CPED1: variants seen among roughly 807,000 people sequenced by gnomAD.
The protein encoded by CPED1 is cadherin like and PC-esterase domain containing 1.
CPED1 carries 114 observed loss-of-function variants against 128.2 expected under a neutral mutation model. That is an observed-to-expected ratio of 0.89 (90% confidence interval 0.76 to 1.04). CPED1 has a LOEUF of 1.04. CPED1 is among the 50% of genes least tolerant of loss of function. The probability of loss-of-function intolerance (pLI) is 0.00; values close to 1 mark genes in which losing one functional copy is unlikely to be tolerated. For synonymous variants in CPED1, 462 were observed against 426.7 expected (o/e 1.08, Z -1.02); for missense variants, 1,211 against 1,207.1 (o/e 1.00, Z -0.05).
intron 2 of CPED1, among the ~76,000 whole-genome samples, chr7:120,999,727 T>A (rs989076744): frequency 1.5e-4 from 23 of 152,284 alleles, no homozygotes; most frequent in African/African-American, 5.5e-4. Flanking sequence ...GAGCATTTAA[T>A]GTTTGTGAAT....
At chr7:121,163,838 TA>T (rs1464762589) in intron 16 of CPED1, among the ~76,000 whole-genome samples, 1 of 152,112 alleles carries the variant, frequency 6.6e-6, no homozygotes, top group Non-Finnish European at 1.5e-5. Context: ...TCTCCAAAGA[TA>T]AAATAAATAT....
At chr7:121,078,194 A>G (rs1303604313) in intron 5 of CPED1, among the ~76,000 whole-genome samples, 2 of 151,888 alleles carry the variant, frequency 1.3e-5, no homozygotes, top group African/African-American at 4.8e-5. Flanking sequence ...ATAGGTGTGC[A>G]CCACCACACC....
chr7:121,070,821 C>T (rs1793968404), intron 5 of CPED1, among the ~76,000 whole-genome samples: 1 of 152,166 alleles, frequency 6.6e-6, no homozygotes, highest in African/African-American at 2.4e-5. Context: ...GTTATCCAGA[C>T]TCTAGCCAGA....
intron 22 of CPED1, among the ~76,000 whole-genome samples, chr7:121,284,131 A>G (rs548896901): frequency 6.6e-6 from 1 of 152,322 alleles, no homozygotes; most frequent in Admixed American, 6.5e-5. Flanking sequence ...GGAAGGAAAC[A>G]CGTCCTTCTT....
At chr7:121,144,300 A>G (rs190779254) in intron 16 of CPED1, among the ~76,000 whole-genome samples, 31 of 152,254 alleles carry the variant, frequency 2.0e-4, no homozygotes, top group Non-Finnish European at 4.0e-4. Context: ...GTGTCCATCA[A>G]TGGATGAATG....
chr7:121,036,116 G>T (rs1401343544), intron 3 of CPED1, among the ~76,000 whole-genome samples: 1 of 152,060 alleles, frequency 6.6e-6, no homozygotes, highest in Non-Finnish European at 1.5e-5. Context: ...TTGAGGGGCT[G>T]CATGCATTAA....
At chr7:121,057,649 G>A (rs2116019059) in intron 4 of CPED1, among the ~76,000 whole-genome samples, 1 of 152,324 alleles carries the variant, frequency 6.6e-6, no homozygotes, top group Middle Eastern at 3.4e-3. Context: ...CTTGCAGAAT[G>A]TCTCAATAAC....
At chr7:121,080,697 A>C (rs1794264522) in intron 5 of CPED1, among the ~76,000 whole-genome samples, 1 of 130,848 alleles carries the variant, frequency 7.6e-6, no homozygotes, top group South Asian at 2.5e-4. Flanking sequence ...ATGCATTTTA[A>C]AAACCTTCAT....
At chr7:121,112,302 C>A (rs1299944420) in intron 7 of CPED1, among the ~76,000 whole-genome samples, 1 of 152,150 alleles carries the variant, frequency 6.6e-6, no homozygotes, top group East Asian at 1.9e-4. Context: ...AAGATATCAA[C>A]ATGAGATCTT....
At chr7:121,172,025 C>T (rs2116470292) in intron 16 of CPED1, among the ~76,000 whole-genome samples, 1 of 152,248 alleles carries the variant, frequency 6.6e-6, no homozygotes. Context: ...CTTTCAATGA[C>T]AGCTATATAA....
At chr7:121,280,381 CA>C (rs1792437791) in intron 22 of CPED1, among the ~76,000 whole-genome samples, 1 of 152,182 alleles carries the variant, frequency 6.6e-6, no homozygotes, top group Non-Finnish European at 1.5e-5. Context: ...GAGCTCCTTA[CA>C]ATCAGTCTCC....
chr7:121,004,733 C>T (rs1418768925), intron 2 of CPED1, among the ~76,000 whole-genome samples: 2 of 150,486 alleles, frequency 1.3e-5, no homozygotes, highest in Non-Finnish European at 3.0e-5. Context: ...TTGGAAGACC[C>T]TAAGAGTAGA....
intron 17 of CPED1, among the ~76,000 whole-genome samples, chr7:121,239,037 G>A (rs1219252162): frequency 6.6e-6 from 1 of 152,134 alleles, no homozygotes; most frequent in Non-Finnish European, 1.5e-5. Context: ...AACTTAACAA[G>A]TGAGGTCAGG....
chr7:121,273,516 C>T (rs1398494122), intron 22 of CPED1, among the ~76,000 whole-genome samples: 1 of 151,548 alleles, frequency 6.6e-6, no homozygotes, highest in East Asian at 1.9e-4. Flanking sequence ...CAGCAAGACT[C>T]CATCTCAAAG....
intron 16 of CPED1, among the ~76,000 whole-genome samples, chr7:121,160,602 G>A (rs1160687375): frequency 6.6e-6 from 1 of 152,116 alleles, no homozygotes; most frequent in East Asian, 1.9e-4. Flanking sequence ...CTGAGGAATG[G>A]CCTTGTACTG....
intron 5 of CPED1, among the ~76,000 whole-genome samples, chr7:121,093,172 T>C (rs536356282): frequency 6.6e-6 from 1 of 152,290 alleles, no homozygotes; most frequent in Admixed American, 6.5e-5. Context: ...GGAACTGTTT[T>C]TCACAGTAGT....
At chr7:121,183,241 A>G (rs1584576670) in intron 16 of CPED1, among the ~76,000 whole-genome samples, 2 of 152,274 alleles carry the variant, frequency 1.3e-5, no homozygotes, top group Admixed American at 1.3e-4. Context: ...ATCCTTTTTC[A>G]CAACTGTCAC....
chr7:121,031,739 T>C (rs1792740396), intron 3 of CPED1, among the ~76,000 whole-genome samples: 2 of 152,244 alleles, frequency 1.3e-5, no homozygotes, highest in Non-Finnish European at 2.9e-5. Flanking sequence ...ACAAAATGTC[T>C]ATTTTTAATA....
chr7:121,016,442 A>G (rs997322977), intron 3 of CPED1, among the ~76,000 whole-genome samples: 1 of 152,232 alleles, frequency 6.6e-6, no homozygotes, highest in Non-Finnish European at 1.5e-5. Flanking sequence ...TGAACAAGTA[A>G]CTGTGGCAGA....
Sources: allele counts gnomAD v4.1 joint callset (sites outside exome capture counted in the v4.1 genomes callset), GRCh38; gene constraint gnomAD v4.1.1; transcripts MANE v1.5; gene names NCBI Gene and HGNC (gene_info 2026-07-23, HGNC 2026-07-21).